PCLO: variants seen among roughly 807,000 people sequenced by gnomAD.
PCLO encodes protein piccolo.
In PCLO, 82 loss-of-function variants were observed where a neutral mutation model predicts 427.5. The ratio of observed to expected loss-of-function variants is 0.19; its 90% confidence interval spans 0.16 to 0.23. The LOEUF is 0.23. PCLO is among the 10% of genes least tolerant of loss of function. The probability of loss-of-function intolerance (pLI) is 1.00; values close to 1 mark genes in which losing one functional copy is unlikely to be tolerated. For missense variants in PCLO, 6,239 were observed against 6,115.9 expected (o/e 1.02, Z -0.67); for synonymous variants, 2,357 against 2,155.4 (o/e 1.09, Z -2.59).
chr7:82,946,757 C>CT (rs1795213227), intron 6 of PCLO, among the ~76,000 whole-genome samples: 1 of 152,062 alleles, frequency 6.6e-6, no homozygotes, highest in African/African-American at 2.4e-5. Context: ...TAAGAAATTT[C>CT]TAATATATTT....
At chr7:82,979,369 G>A (rs1043281969) in intron 3 of PCLO, among the ~76,000 whole-genome samples, 12 of 152,054 alleles carry the variant, frequency 7.9e-5, no homozygotes, top group African/African-American at 2.9e-4. Flanking sequence ...CCAACCATAT[G>A]GATGCATTTT....
At chr7:83,105,619 G>A (rs1430747496) in intron 3 of PCLO, among the ~76,000 whole-genome samples, 2 of 152,152 alleles carry the variant, frequency 1.3e-5, no homozygotes, top group Admixed American at 6.5e-5. Context: ...TGTGTATTCT[G>A]AATTTTCAAA....
chr7:82,888,594 A>T (rs1469890673), intron 9 of PCLO, among the ~76,000 whole-genome samples: 2 of 152,110 alleles, frequency 1.3e-5, no homozygotes, highest in Non-Finnish European at 2.9e-5. Context: ...CTTTGAAGCA[A>T]ACAAAACAAA....
At chr7:83,038,037 A>ATATATATATATATATC (rs1313000516) in intron 3 of PCLO, among the ~76,000 whole-genome samples, 1 of 33,828 alleles carries the variant, frequency 3.0e-5, no homozygotes, top group African/African-American at 1.3e-4. Context: ...ATATTTATAT[A>ATATATATATATATATC]TTTATATATA....
intron 14 of PCLO, among the ~76,000 whole-genome samples, chr7:82,839,193 T>C (rs540583878): frequency 6.6e-6 from 1 of 152,164 alleles, no homozygotes; most frequent in South Asian, 2.1e-4. Flanking sequence ...GGATCCATAT[T>C]TCAAAGGGCA....
At chr7:82,921,559 T>C (rs1381686931) in intron 6 of PCLO, among the ~76,000 whole-genome samples, 1 of 152,066 alleles carries the variant, frequency 6.6e-6, no homozygotes, top group Non-Finnish European at 1.5e-5. Flanking sequence ...AGATTGAAAC[T>C]GGACCCTTTC....
intron 3 of PCLO, among the ~76,000 whole-genome samples, chr7:83,084,958 G>A (rs1045856431): frequency 6.6e-6 from 1 of 152,076 alleles, no homozygotes; most frequent in African/African-American, 2.4e-5. Flanking sequence ...ATCTCTCCTT[G>A]AATATGACTC....
chr7:82,955,240 C>G lies in PCLO; in HGVS notation c.5713G>C (p.Glu1905Gln), dbSNP rs1033483375. 1.2e-6 allele frequency: 2 copies of G among 1,613,648 alleles called. No individual in the cohort carries two copies. The highest frequency in any genetic ancestry group is 2.7e-5 in the African/African-American group (2 of 74,914). ...PTDEQSIMQK[E>Q]GSQKALKSAE... ...CTTTTTAACGCCTTTTGGCTACCTT[C>G]TTTCTGCATAATAGATTGCTCATCT... The change falls in exon 5 of 25, where the codon GAA (glutamate) becomes CAA (glutamine). Residue 1905 changes from glutamate (E) to glutamine (Q), a missense_variant. By Grantham distance (29) the Glu-to-Gln change is conservative. This residue lies in a region of PCLO where 4,677 missense variants were observed against 4,468.4 expected (regional missense o/e 1.05). Coordinates refer to ENST00000333891, the MANE Select transcript of PCLO (RefSeq NM_033026.6).
chr7:83,085,102 A>G (rs1790197690), intron 3 of PCLO, among the ~76,000 whole-genome samples: 2 of 152,132 alleles, frequency 1.3e-5, no homozygotes, highest in African/African-American at 4.8e-5. Context: ...AAAAACATAC[A>G]CTACCAATGA....
intron 10 of PCLO, among the ~76,000 whole-genome samples, chr7:82,869,173 T>C (rs17156776): frequency 0.073 from 11,160 of 152,150 alleles, 577 homozygotes; most frequent in East Asian, 0.16. Context: ...CCAAGTAAAA[T>C]TGATTTTATC....
At position 82,775,541 on chromosome 7, in the gene PCLO, G is replaced by C. The variant is rs554840507; in HGVS notation, c.15008-14048C>G. Among the ~76,000 whole-genome samples, 7 of 152,244 alleles carry C rather than the reference G, an allele frequency of 4.6e-5. No individual in the cohort carries two copies. In the East Asian group the frequency reaches 1.4e-3, roughly 29 times the overall value. On this transcript the variant is annotated intron_variant, in intron 22 of 24. Transcript: ENST00000333891. The stretch of plus-strand genomic sequence containing the variant: ...TTTGCCATCTATACATTTTTGGTAA[G>C]GTGTCTGTTAAGGTCTTTGGCTCAT...
chr7:82,975,487 T>C (rs1457022439), intron 3 of PCLO, among the ~76,000 whole-genome samples: 1 of 152,198 alleles, frequency 6.6e-6, no homozygotes, highest in Admixed American at 6.5e-5. Flanking sequence ...TAATGCAGAA[T>C]GGATACTGGT....
intron 10 of PCLO, among the ~76,000 whole-genome samples, chr7:82,867,427 C>A (rs947161602): frequency 6.6e-6 from 1 of 152,088 alleles, no homozygotes; most frequent in Non-Finnish European, 1.5e-5. Flanking sequence ...CAATAAGTAC[C>A]AGATCTGAAT....
chr7:83,053,978 A>C (rs1321333331), intron 3 of PCLO, among the ~76,000 whole-genome samples: 1 of 152,014 alleles, frequency 6.6e-6, no homozygotes, highest in Non-Finnish European at 1.5e-5. Flanking sequence ...GTAGACCATT[A>C]ATCATGTACC....
chr7:82,797,985 T>C (rs1216272885), intron 22 of PCLO, among the ~76,000 whole-genome samples: 1 of 152,110 alleles, frequency 6.6e-6, no homozygotes, highest in East Asian at 1.9e-4. Context: ...CTCAATGACA[T>C]TCTCAACAGA....
At chr7:83,160,775 T>C (rs915584584) in intron 1 of PCLO, among the ~76,000 whole-genome samples, 2 of 152,188 alleles carry the variant, frequency 1.3e-5, no homozygotes, top group African/African-American at 4.8e-5. Flanking sequence ...AAGATCTCAC[T>C]GTAACTGGTA....
rs1343536136 is a variant in PCLO, at chr7:82,953,363, G to T, written c.7590C>A (p.His2530Gln). 1.2e-6 allele frequency: 2 copies of T among 1,613,652 alleles called. No individual in the cohort carries two copies. Among genetic ancestry groups the T allele is most frequent in the South Asian group, 1.1e-5 (1 of 91,076 alleles). Residue 2530 changes from histidine (H) to glutamine (Q), a missense_variant, in exon 5 of 25, where the codon CAC becomes CAA. Physicochemically the swap from His to Gln is conservative, Grantham distance 24 (BLOSUM62 0). Around this residue, in one of 5 missense-constraint regions of PCLO, gnomAD observed 4,677 missense variants for 4,468.4 expected, o/e 1.05. Transcript: ENST00000333891. The part of the protein sequence containing the change: ...PTTTQKPTDI[H>Q]PKPTGLSLTS... ...TTAAAGATAGGCCTGTTGGTTTGGG[G>T]TGTATATCTGTTGGTTTTTGTGTAG...
intron 3 of PCLO, among the ~76,000 whole-genome samples, chr7:82,993,178 C>A (rs910900395): frequency 6.6e-6 from 1 of 151,838 alleles, no homozygotes; most frequent in African/African-American, 2.4e-5. Context: ...AACTTAATAT[C>A]TCATTATAAA....
intron 10 of PCLO, among the ~76,000 whole-genome samples, chr7:82,863,581 G>A (rs1052265365): frequency 2.0e-5 from 3 of 151,892 alleles, no homozygotes; most frequent in African/African-American, 7.2e-5. Flanking sequence ...ATGTTAGAGT[G>A]TATACAATAT....
Sources: gnomAD v4.1 joint callset for allele counts (sites outside exome capture counted in the v4.1 genomes callset) on GRCh38, gnomAD v4.1.1 for gene constraint, gnomAD v4.1.1 regional missense constraint, MANE v1.5 for transcripts, NCBI Gene and HGNC (gene_info 2026-07-23, HGNC 2026-07-21) for gene names.